Variants in NEBL observed in about 807,000 individuals in gnomAD.
NEBL encodes LIM and SH3 protein 2.
Under a neutral mutation model 140.2 loss-of-function variants are expected in NEBL, and 122 were observed. The observed-to-expected ratio is 0.87, with a 90% CI of 0.75 to 1.01. The LOEUF (loss-of-function observed/expected upper bound fraction) is 1.01, where lower values mean the gene tolerates loss of function less well. NEBL is among the 50% of genes least tolerant of loss of function. The pLI, the probability that NEBL is intolerant of heterozygous loss-of-function variation, is 0.00. For synonymous variants in NEBL, 436 were observed against 398.9 expected (o/e 1.09, Z -1.11); for missense variants, 1,365 against 1,231.3 (o/e 1.11, Z -1.62).
At chr10:21,284,292 T>G (rs1843029583) in intron 1 of NEBL, among the ~76,000 whole-genome samples, 1 of 148,984 alleles carries the variant, frequency 6.7e-6, no homozygotes. Context: ...TGGCACATAG[T>G]GCATGTCCAC....
At chr10:21,243,896 G>GAGGA (rs539759662) in intron 3 of NEBL, among the ~76,000 whole-genome samples, 1 of 148,436 alleles carries the variant, frequency 6.7e-6, no homozygotes, top group East Asian at 2.0e-4. Flanking sequence ...GAGAGAGAGA[G>GAGGA]AGGAAGGAAG....
At chr10:21,078,710 G>A (rs1836221181) in intron 2 of NEBL, among the ~76,000 whole-genome samples, 1 of 152,192 alleles carries the variant, frequency 6.6e-6, no homozygotes, top group South Asian at 2.1e-4. Context: ...CCAGAAGAAG[G>A]TATGTCTACA....
chr10:21,058,513 C>T (rs1354108243), intron 2 of NEBL, among the ~76,000 whole-genome samples: 1 of 151,882 alleles, frequency 6.6e-6, no homozygotes. Flanking sequence ...TAAGCCAAAA[C>T]CTTCTACTTT....
At chr10:20,944,166 G>A (rs1041455717) in intron 4 of NEBL, among the ~76,000 whole-genome samples, 4 of 152,172 alleles carry the variant, frequency 2.6e-5, no homozygotes, top group East Asian at 1.9e-4. Flanking sequence ...TTGGGAGGCC[G>A]AGGCAGGCAG....
intron 12 of NEBL, among the ~76,000 whole-genome samples, 163 bp downstream of exon 12, chr10:20,845,095 T>G (rs1564375982): frequency 6.6e-6 from 1 of 152,072 alleles, no homozygotes; most frequent in Admixed American, 6.6e-5. Flanking sequence ...ACTTTCTTGT[T>G]TCTAATGAAA....
At chr10:20,908,668 G>C (rs924573589) in intron 4 of NEBL, among the ~76,000 whole-genome samples, 1 of 152,092 alleles carries the variant, frequency 6.6e-6, no homozygotes, top group Non-Finnish European at 1.5e-5. Flanking sequence ...AACAATCTCT[G>C]CTCTGCAGCA....
intron 3 of NEBL, among the ~76,000 whole-genome samples, chr10:20,976,037 C>CA (rs1335932110): frequency 2.0e-5 from 3 of 151,998 alleles, no homozygotes; most frequent in African/African-American, 7.2e-5. Context: ...AATATGCTTC[C>CA]AAGTTTGGAG....
At chr10:20,803,820 T>A (rs779514948) in intron 26 of NEBL, among the ~76,000 whole-genome samples, 14,869 of 139,904 alleles carry the variant, frequency 0.11, 901 homozygotes, top group African/African-American at 0.2. Context: ...AAAATATATA[T>A]ATATATATAT....
At chr10:21,263,905 C>T (rs2132283176) in intron 1 of NEBL, among the ~76,000 whole-genome samples, 1 of 152,242 alleles carries the variant, frequency 6.6e-6, no homozygotes, top group East Asian at 1.9e-4. Context: ...GCAGAGGTTG[C>T]CGTGAGCCAA....
chr10:21,279,393 T>A (rs1842964123), intron 1 of NEBL, among the ~76,000 whole-genome samples: 1 of 150,116 alleles, frequency 6.7e-6, no homozygotes, highest in Non-Finnish European at 1.5e-5. Flanking sequence ...ACTTCTGGCC[T>A]CAAGCAATCC....
At chr10:20,975,072 A>G (rs1363293220) in intron 3 of NEBL, among the ~76,000 whole-genome samples, 1 of 152,164 alleles carries the variant, frequency 6.6e-6, no homozygotes. Flanking sequence ...GCCTGAACAC[A>G]CTAACGGGCT....
At chr10:20,936,462 C>G (rs1023099217) in intron 4 of NEBL, among the ~76,000 whole-genome samples, 1 of 152,148 alleles carries the variant, frequency 6.6e-6, no homozygotes, top group Non-Finnish European at 1.5e-5. Flanking sequence ...AAGCAGAATC[C>G]AAATTCAGTC....
chr10:21,048,143 C>T (rs1051793664), intron 2 of NEBL, among the ~76,000 whole-genome samples: 1 of 152,224 alleles, frequency 6.6e-6, no homozygotes, highest in African/African-American at 2.4e-5. Flanking sequence ...ACTCTCCCAG[C>T]ATCCCTTGTC....
At chr10:21,181,651 C>T (rs1416377810) in intron 3 of NEBL, among the ~76,000 whole-genome samples, 3 of 152,210 alleles carry the variant, frequency 2.0e-5, no homozygotes, top group African/African-American at 7.2e-5. Context: ...TGCGACACCA[C>T]GTGCTGCTTT....
At chr10:20,882,586 A>G (rs1255401614) in intron 4 of NEBL, among the ~76,000 whole-genome samples, 4 of 152,220 alleles carry the variant, frequency 2.6e-5, no homozygotes, top group African/African-American at 4.8e-5. Context: ...CAGATGAATA[A>G]ATGAGTTTAC....
At chr10:20,788,562 A>AT (rs1489008465) in intron 26 of NEBL, among the ~76,000 whole-genome samples, 5 of 152,104 alleles carry the variant, frequency 3.3e-5, no homozygotes, top group Admixed American at 6.6e-5. Flanking sequence ...TTGAAAGGGG[A>AT]TTTTTTAAAT....
intron 2 of NEBL, among the ~76,000 whole-genome samples, chr10:21,135,946 C>CT (rs1564523461): frequency 1.3e-5 from 2 of 152,340 alleles, no homozygotes; most frequent in African/African-American, 4.8e-5. Context: ...TGAGGCAGAA[C>CT]TTTCTGGAAC....
At chr10:20,793,209 T>C (rs1836171327) in intron 26 of NEBL, 3 of 283,240 alleles carry the variant, frequency 1.1e-5, no homozygotes, top group Middle Eastern at 1.6e-3. Flanking sequence ...GACTTCAATA[T>C]AAAAATGAAG....
intron 3 of NEBL, among the ~76,000 whole-genome samples, chr10:20,981,207 A>G (rs192961993): frequency 6.6e-6 from 1 of 152,304 alleles, no homozygotes; most frequent in Non-Finnish European, 1.5e-5. Context: ...GATAGAGAAC[A>G]CATAAAGTTC....
Sources: allele counts gnomAD v4.1 joint callset (sites outside exome capture counted in the v4.1 genomes callset), GRCh38; gene constraint gnomAD v4.1.1; transcripts MANE v1.5; gene names NCBI Gene and HGNC (gene_info 2026-07-23, HGNC 2026-07-21).